The following HIVEP3 variants were observed in gnomAD, a reference collection of about 807,000 sequenced individuals.
HIVEP3 encodes the protein HIVEP zinc finger 3.
A neutral mutation model predicts 152.8 loss-of-function variants in HIVEP3; 49 were observed. The ratio of observed to expected loss-of-function variants is 0.32; its 90% CI spans 0.26 to 0.41. The LOEUF (loss-of-function observed/expected upper bound fraction) is 0.41. HIVEP3 is among the 10% of genes least tolerant of loss of function. HIVEP3 has a pLI of 1.00. For missense variants in HIVEP3, 2,790 were observed against 3,103.3 expected, an observed-to-expected ratio of 0.90 and a Z score of 2.40; for synonymous variants, 1,269 against 1,289.0, an observed-to-expected ratio of 0.98 and a Z score of 0.33.
chr1:41,544,763 CACCACT>C (rs1164214496), intron 5 of HIVEP3, among the ~76,000 whole-genome samples: 3 of 148,244 alleles, frequency 2.0e-5, no homozygotes, highest in Non-Finnish European at 3.0e-5. Context: ...CCACCATCAC[CACCACT>C]ACCACTACCT....
intron 5 of HIVEP3, among the ~76,000 whole-genome samples, chr1:41,558,569 C>A (rs72953304): frequency 6.6e-6 from 1 of 152,204 alleles, no homozygotes; most frequent in Admixed American, 6.5e-5. Flanking sequence ...TGTCAGCCTG[C>A]ACCCCTCCTG....
chr1:41,998,126 AG>A (rs1645405760), intron 1 of HIVEP3, among the ~76,000 whole-genome samples: 1 of 152,168 alleles, frequency 6.6e-6, no homozygotes, highest in African/African-American at 2.4e-5. Flanking sequence ...GAGTGTTAAA[AG>A]TCTGTCTGTT....
intron 2 of HIVEP3, among the ~76,000 whole-genome samples, chr1:41,655,410 C>T (rs1009204898): frequency 3.3e-5 from 5 of 151,874 alleles, no homozygotes; most frequent in Admixed American, 6.6e-5. Context: ...TGGGGAAACC[C>T]TGTCTCTACT....
At chr1:41,694,083 T>G (rs1344089283) in intron 2 of HIVEP3, among the ~76,000 whole-genome samples, 1 of 152,204 alleles carries the variant, frequency 6.6e-6, no homozygotes, top group African/African-American at 2.4e-5. Flanking sequence ...TATGAAAAAT[T>G]TTTTTTGGGA....
At position 41,579,722 on chromosome 1, in the gene HIVEP3, C is replaced by G. The variant is rs750518403; in HGVS notation, c.5061+15G>C. 16 of 1,531,960 alleles carry G rather than the reference C, an allele frequency of 1.0e-5. No individual in the cohort carries two copies. Among genetic ancestry groups the G allele is most frequent in the Non-Finnish European group, 1.4e-5 (16 of 1,138,932 alleles). 94.9% of individuals were successfully genotyped at this position (1,531,960 alleles called of 1,614,324 possible). On this transcript the variant is annotated intron_variant, in intron 4 of 8. Transcript: ENST00000372583. Reference sequence around the variant, plus strand: ...TGCAAATCAGTGATGAGAAGAAAAACAAGGCTGAACTTACCTCTGTCATGC... The same window carrying G: ...TGCAAATCAGTGATGAGAAGAAAAAGAAGGCTGAACTTACCTCTGTCATGC...
intron 1 of HIVEP3, among the ~76,000 whole-genome samples, chr1:41,788,692 G>A (rs918058381): frequency 6.6e-6 from 1 of 152,250 alleles, no homozygotes; most frequent in Admixed American, 6.5e-5. Flanking sequence ...TCTCATCCAG[G>A]AGAGCAAAAT....
At chr1:41,813,061 T>C (rs760698468) in intron 1 of HIVEP3, among the ~76,000 whole-genome samples, 10 of 152,192 alleles carry the variant, frequency 6.6e-5, no homozygotes, top group Non-Finnish European at 1.5e-4. Context: ...ATTTTTGAGA[T>C]GGAGTCTTGC....
At chr1:41,670,537 C>G (rs757788056) in intron 2 of HIVEP3, among the ~76,000 whole-genome samples, 9 of 152,118 alleles carry the variant, frequency 5.9e-5, no homozygotes, top group Non-Finnish European at 1.2e-4. Flanking sequence ...CCCCATGGAA[C>G]TTATGTTCTA....
chr1:41,879,148 C>T (rs977180327), intron 1 of HIVEP3, among the ~76,000 whole-genome samples: 2 of 152,174 alleles, frequency 1.3e-5, no homozygotes, highest in African/African-American at 2.4e-5. Flanking sequence ...GGCACCCTAG[C>T]GGAAAGAACA....
At chr1:41,798,671 G>A (rs552024665) in intron 1 of HIVEP3, among the ~76,000 whole-genome samples, 1 of 151,868 alleles carries the variant, frequency 6.6e-6, no homozygotes, top group Non-Finnish European at 1.5e-5. Flanking sequence ...CACTCTTAAT[G>A]TTTTATTTTT....
chr1:41,516,655 GC>G (rs1642616035), intron 7 of HIVEP3, among the ~76,000 whole-genome samples: 1 of 152,162 alleles, frequency 6.6e-6, no homozygotes, highest in African/African-American at 2.4e-5. Flanking sequence ...ACCCCCCCAT[GC>G]CCTTCAGCCC....
chr1:41,929,067 C>A (rs1473208160), intron 1 of HIVEP3, among the ~76,000 whole-genome samples: 1 of 152,062 alleles, frequency 6.6e-6, no homozygotes, highest in African/African-American at 2.4e-5. Flanking sequence ...ATGCACACAC[C>A]ATGTTTCTCA....
At chr1:41,542,182 A>G (rs1263866738) in intron 5 of HIVEP3, 3 of 152,266 alleles carry the variant, frequency 2.0e-5, no homozygotes, top group Admixed American at 6.5e-5. Flanking sequence ...AAGCGAAGCT[A>G]ATGGTTTCGT....
At chr1:41,958,627 C>G (rs1645153001) in intron 1 of HIVEP3, among the ~76,000 whole-genome samples, 1 of 152,216 alleles carries the variant, frequency 6.6e-6, no homozygotes, top group Admixed American at 6.5e-5. Flanking sequence ...AACCCTTCTT[C>G]CCTCCTAGAT....
chr1:41,887,863 T>A (rs539073734), intron 1 of HIVEP3, among the ~76,000 whole-genome samples: 1 of 152,282 alleles, frequency 6.6e-6, no homozygotes, highest in East Asian at 1.9e-4. Context: ...CACATGCGGC[T>A]ATTTAAATTA....
intron 1 of HIVEP3, among the ~76,000 whole-genome samples, chr1:41,829,408 C>A (rs1443693319): frequency 1.3e-5 from 2 of 152,116 alleles, no homozygotes; most frequent in Non-Finnish European, 2.9e-5. Context: ...TCTGTCTCCA[C>A]CCTACCTCTG....
intron 1 of HIVEP3, among the ~76,000 whole-genome samples, chr1:41,988,237 T>C (rs575115244): frequency 6.6e-5 from 10 of 152,254 alleles, no homozygotes; most frequent in Non-Finnish European, 1.0e-4. Context: ...ACATGTGAGA[T>C]TGCATCACAC....
intron 1 of HIVEP3, among the ~76,000 whole-genome samples, chr1:41,875,071 G>A (rs1379711288): frequency 6.6e-6 from 1 of 152,260 alleles, no homozygotes; most frequent in African/African-American, 2.4e-5. Context: ...ACAGCAAATA[G>A]GCTTCTGCCC....
chr1:41,530,246 G>A (rs60490723), intron 5 of HIVEP3, among the ~76,000 whole-genome samples: 4,113 of 152,300 alleles, frequency 0.027, 200 homozygotes, highest in African/African-American at 0.095. Flanking sequence ...TCCAGGACAC[G>A]CGCCACCTTG....
Sources: gnomAD v4.1 joint callset for allele counts (sites outside exome capture counted in the v4.1 genomes callset) on GRCh38, gnomAD v4.1.1 for gene constraint, MANE v1.5 for transcripts, NCBI Gene and HGNC (gene_info 2026-07-23, HGNC 2026-07-21) for gene names.